Variants in TECRL observed in about 807,000 individuals in gnomAD.
The protein encoded by TECRL is trans-2,3-enoyl-CoA reductase like, also known as trans-2,3-enoyl-CoA reductase-like.
Under a neutral mutation model 52.8 loss-of-function variants are expected in TECRL, and 63 were observed. The ratio of observed to expected loss-of-function variants is 1.19; its 90% CI spans 0.97 to 1.47. TECRL has a LOEUF of 1.47. Ranked by LOEUF, TECRL falls within the 40% of genes most tolerant of loss-of-function variation. The pLI is 0.00. For synonymous variants in TECRL, 164 were observed against 141.9 expected (o/e 1.16, Z -1.10); for missense variants, 482 against 429.6 (o/e 1.12, Z -1.08).
intron 1 of TECRL, among the ~76,000 whole-genome samples, chr4:64,406,456 GT>G (rs1724733172): frequency 1.3e-5 from 2 of 151,604 alleles, no homozygotes; most frequent in Non-Finnish European, 2.9e-5. Context: ...TTCTTAGCAA[GT>G]TATCAAAAGG....
intron 1 of TECRL, among the ~76,000 whole-genome samples, chr4:64,402,778 A>C (rs17655671): frequency 0.041 from 6,259 of 152,210 alleles, 134 homozygotes; most frequent in Non-Finnish European, 0.048. Flanking sequence ...TATAAAGTTG[A>C]AAAATGAAGG....
intron 1 of TECRL, among the ~76,000 whole-genome samples, chr4:64,391,977 G>A (rs950098858): frequency 6.6e-6 from 1 of 151,838 alleles, no homozygotes; most frequent in African/African-American, 2.4e-5. Flanking sequence ...TGCTAGAATA[G>A]TCTAGGTTGT....
intron 4 of TECRL, among the ~76,000 whole-genome samples, chr4:64,321,579 G>T (rs1408413794): frequency 6.6e-6 from 1 of 152,056 alleles, no homozygotes; most frequent in African/African-American, 2.4e-5. Context: ...ATTTTTCACT[G>T]CCTCTGTTAC....
intron 2 of TECRL, among the ~76,000 whole-genome samples, 167 bp from the exon 3 acceptor site, chr4:64,328,723 A>G (rs1033635543): frequency 6.6e-6 from 1 of 151,956 alleles, no homozygotes; most frequent in African/African-American, 2.4e-5. Context: ...CTGACCAGCA[A>G]TGACGGATAG....
At position 64,330,786 on chromosome 4, in the gene TECRL, A is replaced by T. The variant is rs144239788; in HGVS notation, c.287-2230T>A. Among the ~76,000 whole-genome samples, 836 of 152,202 alleles carry T rather than the reference A, an allele frequency of 5.5e-3. 10 individuals are homozygous for T. The highest frequency in any genetic ancestry group is 0.018 in the African/African-American group (761 of 41,552). ...GAAAACATTCTAGTTGTCAAGAAAA[A>T]CAGAATTATATTTGTTATTAACTAA... On this transcript the variant is annotated intron_variant, in intron 2 of 11. Transcript: ENST00000381210.
chr4:64,386,970 A>G (rs2109732379), intron 1 of TECRL, among the ~76,000 whole-genome samples: 1 of 152,262 alleles, frequency 6.6e-6, no homozygotes, highest in African/African-American at 2.4e-5. Flanking sequence ...AATGGGGTTC[A>G]CTCATGGTGT....
rs142761300 is a variant in TECRL at position 64,389,280 on chromosome 4, G to A, written c.235-14057C>T. ...TCGGAGATATTATTGATGAAGTTGA[G>A]GAAGTTCCCCCTCTATTCCTACTTT... On this transcript the variant is annotated intron_variant, in intron 1 of 11. Transcript: ENST00000381210. 2.4e-4 allele frequency among the ~76,000 whole-genome samples: 37 copies of A among 151,946 alleles called. 1 individual carries two copies. Among genetic ancestry groups the A allele is most frequent in the African/African-American group, 8.4e-4 (35 of 41,530 alleles).
intron 7 of TECRL, chr4:64,304,895 T>C (rs953998959): frequency 1.3e-5 from 3 of 238,118 alleles, no homozygotes; most frequent in Non-Finnish European, 2.4e-5. Context: ...AATTTTATCT[T>C]TAATTGTTGT....
At chr4:64,351,114 A>G (rs1225543075) in intron 2 of TECRL, among the ~76,000 whole-genome samples, 1 of 149,084 alleles carries the variant, frequency 6.7e-6, no homozygotes, top group African/African-American at 2.5e-5. Flanking sequence ...AGTAGAGAGT[A>G]GAAAGATACC....
chr4:64,290,263 A>C (rs1345936055), intron 8 of TECRL, among the ~76,000 whole-genome samples: 1 of 152,114 alleles, frequency 6.6e-6, no homozygotes, highest in Non-Finnish European at 1.5e-5. Flanking sequence ...CTCTGTCATC[A>C]TGACCTCTTG....
chr4:64,312,886 T>G (rs1323589407), intron 5 of TECRL, among the ~76,000 whole-genome samples: 2 of 152,162 alleles, frequency 1.3e-5, no homozygotes, highest in Non-Finnish European at 2.9e-5. Flanking sequence ...AAAAGAACGC[T>G]TTTAGGTTCT....
intron 2 of TECRL, among the ~76,000 whole-genome samples, chr4:64,347,256 G>T (rs4860591): frequency 0.61 from 92,500 of 151,984 alleles, 31,688 homozygotes; most frequent in Non-Finnish European, 0.76. Context: ...AAAGAACACT[G>T]ACTTATCTGG....
At chr4:64,375,608 G>A (rs1459089763) in intron 1 of TECRL, among the ~76,000 whole-genome samples, 1 of 151,840 alleles carries the variant, frequency 6.6e-6, no homozygotes, top group Non-Finnish European at 1.5e-5. Context: ...ACCCGAGGAT[G>A]TGAAGTTAAT....
At chr4:64,342,775 A>AC (rs1363504516) in intron 2 of TECRL, among the ~76,000 whole-genome samples, 1 of 152,142 alleles carries the variant, frequency 6.6e-6, no homozygotes, top group African/African-American at 2.4e-5. Context: ...AAAAATTATT[A>AC]AGAACTCATT....
intron 1 of TECRL, among the ~76,000 whole-genome samples, chr4:64,403,288 T>TC (rs1724484957): frequency 6.6e-6 from 1 of 151,188 alleles, no homozygotes; most frequent in East Asian, 1.9e-4. Context: ...CCATGACCAC[T>TC]CCCCTGAGTT....
intron 2 of TECRL, among the ~76,000 whole-genome samples, chr4:64,338,500 A>C (rs1026240665): frequency 2.6e-5 from 4 of 152,220 alleles, no homozygotes; most frequent in African/African-American, 7.2e-5. Context: ...CCGGCAACCT[A>C]CAGAATGGGA....
chr4:64,277,356 A>T (rs1255104160), downstream of TECRL, among the ~76,000 whole-genome samples: 1 of 151,946 alleles, frequency 6.6e-6, no homozygotes, highest in Non-Finnish European at 1.5e-5. Context: ...TATCACAAGT[A>T]GTTGATCATA....
chr4:64,291,378 G>A (rs1250904796), intron 8 of TECRL, among the ~76,000 whole-genome samples: 1 of 151,912 alleles, frequency 6.6e-6, no homozygotes, highest in Non-Finnish European at 1.5e-5. Context: ...CTAATGGTTT[G>A]TTACATTTCT....
chr4:64,334,877 T>C (rs1043457449), intron 2 of TECRL, among the ~76,000 whole-genome samples: 1 of 152,182 alleles, frequency 6.6e-6, no homozygotes, highest in Admixed American at 6.5e-5. Context: ...TTGTAACCAG[T>C]GTGCTCACTG....
Sources: gnomAD v4.1 joint callset for allele counts (sites outside exome capture counted in the v4.1 genomes callset) on GRCh38, gnomAD v4.1.1 for gene constraint, MANE v1.5 for transcripts, NCBI Gene and HGNC (gene_info 2026-07-23, HGNC 2026-07-21) for gene names.